The following ADAMTS19 variants were observed in gnomAD, a reference collection of about 807,000 sequenced individuals.
The protein encoded by ADAMTS19 is A disintegrin and metalloproteinase with thrombospondin motifs 19.
ADAMTS19 carries 93 observed loss-of-function variants against 153.3 expected under a neutral mutation model. The observed-to-expected ratio is 0.61, with a 90% CI of 0.51 to 0.72. The LOEUF is 0.72. Among genes scored for constraint, ADAMTS19 ranks in the 30% least tolerant of loss-of-function variants. ADAMTS19 has a pLI of 0.00. For synonymous variants in ADAMTS19, 600 were observed against 556.6 expected (o/e 1.08, Z -1.10); for missense variants, 1,482 against 1,552.1 (o/e 0.95, Z 0.76).
intron 7 of ADAMTS19, among the ~76,000 whole-genome samples, chr5:129,592,927 T>C (rs1750210989): frequency 6.6e-6 from 1 of 152,200 alleles, no homozygotes; most frequent in South Asian, 2.1e-4. Context: ...AAGTATGCAC[T>C]CATCGTTTTT....
chr5:129,489,388 A>AAGTAT (rs1289939135), intron 2 of ADAMTS19, among the ~76,000 whole-genome samples: 1 of 152,140 alleles, frequency 6.6e-6, no homozygotes, highest in African/African-American at 2.4e-5. Context: ...GACAGAATAA[A>AAGTAT]TACTGAGTTT....
intron 16 of ADAMTS19, among the ~76,000 whole-genome samples, chr5:129,678,245 G>A (rs867684415): frequency 1.3e-5 from 2 of 152,098 alleles, no homozygotes; most frequent in African/African-American, 4.8e-5. Flanking sequence ...CCTGGTCCTG[G>A]TCAAGCTGCG....
intron 5 of ADAMTS19, 25 bp from the exon 6 acceptor site, chr5:129,528,495 T>G (rs1752091753): frequency 6.5e-7 from 1 of 1,533,084 alleles, no homozygotes; most frequent in Non-Finnish European, 8.7e-7. Flanking sequence ...TAATATGCCT[T>G]GTGATGAGCT....
At chr5:129,578,153 TGTAC>T (rs1170553644) in intron 7 of ADAMTS19, among the ~76,000 whole-genome samples, 3 of 106,902 alleles carry the variant, frequency 2.8e-5, no homozygotes, top group Non-Finnish European at 6.3e-5. Context: ...TGCATGTATA[TGTAC>T]GTATACGTAC....
At chr5:129,710,883 TTTG>T (rs770440661) in intron 21 of ADAMTS19, among the ~76,000 whole-genome samples, 5 of 152,208 alleles carry the variant, frequency 3.3e-5, no homozygotes, top group Non-Finnish European at 2.9e-5. Flanking sequence ...GTTTTTTGCT[TTTG>T]TTGTTTTTTT....
intron 3 of ADAMTS19, among the ~76,000 whole-genome samples, chr5:129,522,318 C>T (rs112236220): frequency 0.079 from 7,099 of 90,022 alleles, 263 homozygotes; most frequent in African/African-American, 0.12. Flanking sequence ...TATATATATA[C>T]ACACACACAC....
intron 17 of ADAMTS19, among the ~76,000 whole-genome samples, chr5:129,681,110 A>G (rs1028270322): frequency 1.3e-5 from 2 of 152,222 alleles, no homozygotes; most frequent in Admixed American, 6.5e-5. Context: ...TTTGTCTTCA[A>G]TTGGAGACAT....
intron 2 of ADAMTS19, among the ~76,000 whole-genome samples, chr5:129,500,768 G>A (rs1025981215): frequency 1.3e-5 from 2 of 152,106 alleles, no homozygotes; most frequent in East Asian, 3.9e-4. Flanking sequence ...GTTCACTACT[G>A]TTCCCTGAGC....
At chr5:129,684,043 A>G (rs1404552419) in intron 17 of ADAMTS19, 77 bp from the exon 18 acceptor site, 8 of 1,426,908 alleles carry the variant, frequency 5.6e-6, no homozygotes, top group African/African-American at 2.8e-5. Context: ...TTAAGTATCA[A>G]TATTGTTAAT....
At chr5:129,578,776 C>A (rs1401374570) in intron 7 of ADAMTS19, among the ~76,000 whole-genome samples, 1 of 151,990 alleles carries the variant, frequency 6.6e-6, no homozygotes, top group South Asian at 2.1e-4. Flanking sequence ...TGAACTCATC[C>A]TTTTTTATGG....
chr5:129,701,344 G>C (rs184577650), intron 19 of ADAMTS19, 44 bp from the exon 20 acceptor site: 1 of 1,601,716 alleles, frequency 6.2e-7, no homozygotes. Flanking sequence ...CAAGTAGATA[G>C]GTATCTTTTA....
In ADAMTS19 at chr5:129,462,616, TG is replaced by T. The variant is rs200674811; in HGVS notation, c.747+866del. Among the ~76,000 whole-genome samples, 472 of 148,984 alleles carry T rather than the reference TG, an allele frequency of 3.2e-3. 10 individuals are homozygous for T. Among genetic ancestry groups the T allele is most frequent in the Admixed American group, 0.029 (439 of 15,064 alleles). On this transcript the variant is annotated intron_variant, in intron 2 of 22. Coordinates refer to ENST00000274487, the MANE Select transcript of ADAMTS19 (RefSeq NM_133638.6). ...GTTGACCTTTGTGTGTGTGTGTGTG[TG>T]GGGGGGTCAAATATGCATAACATAA...
At chr5:129,498,222 A>G (rs1358700890) in intron 2 of ADAMTS19, among the ~76,000 whole-genome samples, 3 of 152,018 alleles carry the variant, frequency 2.0e-5, no homozygotes, top group African/African-American at 7.2e-5. Flanking sequence ...TAGCCTCCCA[A>G]CAAGTCTTGT....
intron 18 of ADAMTS19, among the ~76,000 whole-genome samples, chr5:129,689,752 A>G (rs892150458): frequency 6.6e-6 from 1 of 152,170 alleles, no homozygotes; most frequent in African/African-American, 2.4e-5. Flanking sequence ...GGTACTATAC[A>G]TGTACCAAAA....
intron 8 of ADAMTS19, among the ~76,000 whole-genome samples, chr5:129,596,913 A>G (rs1750407881): frequency 1.3e-5 from 2 of 152,180 alleles, no homozygotes; most frequent in African/African-American, 4.8e-5. Context: ...TACATAGTGC[A>G]TGATTGATTT....
chr5:129,605,105 T>G lies in ADAMTS19; in HGVS notation c.1478+8441T>G, dbSNP rs150484327. Among the ~76,000 whole-genome samples, 18 of 152,354 alleles carry G rather than the reference T, an allele frequency of 1.2e-4. No individual in the cohort carries two copies. In the East Asian group the frequency reaches 3.1e-3, roughly 26 times the overall value. ...AAGCTACCAACACTTCTCATCTGGATTATTATAGTAGCCTCTTAAATAATC... is the reference window on the plus strand; with the variant it reads ...AAGCTACCAACACTTCTCATCTGGAGTATTATAGTAGCCTCTTAAATAATC... On this transcript the variant is annotated intron_variant, in intron 8 of 22. Coordinates refer to ENST00000274487, the MANE Select transcript of ADAMTS19 (RefSeq NM_133638.6).
chr5:129,571,319 T>G (rs1753897698), intron 7 of ADAMTS19, among the ~76,000 whole-genome samples: 1 of 151,774 alleles, frequency 6.6e-6, no homozygotes, highest in Non-Finnish European at 1.5e-5. Flanking sequence ...TGTGTGTGCA[T>G]ATATGGGTGT....
intron 13 of ADAMTS19, among the ~76,000 whole-genome samples, chr5:129,650,543 G>T (rs554165181): frequency 1.3e-5 from 2 of 152,054 alleles, no homozygotes; most frequent in African/African-American, 4.8e-5. Flanking sequence ...ATCAAGACAC[G>T]TTAGCCTAAC....
At chr5:129,629,797 C>A (rs1288769597) in intron 10 of ADAMTS19, among the ~76,000 whole-genome samples, 1 of 152,058 alleles carries the variant, frequency 6.6e-6, no homozygotes, top group African/African-American at 2.4e-5. Flanking sequence ...CATCTTGTGG[C>A]TGAGCCAGCT....
Sources: gnomAD v4.1 joint callset for allele counts (sites outside exome capture counted in the v4.1 genomes callset) on GRCh38, gnomAD v4.1.1 for gene constraint, MANE v1.5 for transcripts, NCBI Gene and HGNC (gene_info 2026-07-23, HGNC 2026-07-21) for gene names.